Variants in MAN1A1 observed in about 807,000 individuals in gnomAD.
The protein encoded by MAN1A1 is mannosidase alpha class 1A member 1.
In MAN1A1, 29 loss-of-function variants were observed where a neutral mutation model predicts 70.8. That is an observed-to-expected ratio of 0.41 (90% CI 0.31 to 0.56). The LOEUF (loss-of-function observed/expected upper bound fraction) is 0.56. Ranked by LOEUF, MAN1A1 falls within the 20% of genes least tolerant of loss-of-function variation. The pLI is 0.29. For synonymous variants in MAN1A1, 349 were observed against 330.1 expected (o/e 1.06, Z -0.62); for missense variants, 747 against 841.3 (o/e 0.89, Z 1.39).
chr6:119,258,781 T>G (rs1208550219), intron 5 of MAN1A1, among the ~76,000 whole-genome samples: 1 of 152,196 alleles, frequency 6.6e-6, no homozygotes, highest in African/African-American at 2.4e-5. Context: ...TTTTTATGAT[T>G]CGGTGAAATG....
intron 2 of MAN1A1, among the ~76,000 whole-genome samples, chr6:119,336,410 A>G (rs1773451684): frequency 1.3e-5 from 2 of 151,858 alleles, no homozygotes; most frequent in African/African-American, 2.4e-5. Context: ...ATTCTGATGC[A>G]TGTTGAAGTC....
intron 2 of MAN1A1, among the ~76,000 whole-genome samples, chr6:119,328,005 C>T (rs1773200496): frequency 6.6e-6 from 1 of 152,140 alleles, no homozygotes; most frequent in African/African-American, 2.4e-5. Flanking sequence ...CCCCCAGAGC[C>T]AGAGAAGAGC....
chr6:119,349,052 C>T lies in MAN1A1; in HGVS notation c.14G>A (p.Gly5Asp), dbSNP rs989858445. 5.2e-5 allele frequency: 68 copies of T among 1,319,902 alleles called. No individual in the cohort carries two copies. Among genetic ancestry groups the T allele is most frequent in the Non-Finnish European group, 6.0e-5 (62 of 1,032,546 alleles). The allele number at this position is 1,319,902 out of a possible 1,614,324, so 81.8% of individuals were successfully genotyped here. A position where few individuals can be genotyped will look rare whatever the true frequency, so the allele number is the denominator to read the frequency against. Reference sequence around the variant, plus strand: ...GGGGCTGCTGAAGAGCGGCAACAGGCCCCCCACGGGCATCGCTCCCGCTGT... The same window carrying T: ...GGGGCTGCTGAAGAGCGGCAACAGGTCCCCCACGGGCATCGCTCCCGCTGT... MPVG[G>D]LLPLFSSPAG... The change falls in exon 2 of 13, where the codon GGC becomes GAC. Residue 5 changes from glycine to aspartate, a missense_variant. Coordinates refer to ENST00000368468, the MANE Select transcript of MAN1A1 (RefSeq NM_005907.4).
chr6:119,336,092 C>CA (rs1417407491), intron 2 of MAN1A1, among the ~76,000 whole-genome samples: 10 of 151,978 alleles, frequency 6.6e-5, no homozygotes, highest in Non-Finnish European at 1.2e-4. Context: ...TTTTTTGAGA[C>CA]AGAGTCTCAC....
At chr6:119,199,622 T>C (rs1006792123) in intron 8 of MAN1A1, among the ~76,000 whole-genome samples, 2 of 151,540 alleles carry the variant, frequency 1.3e-5, no homozygotes, top group Non-Finnish European at 2.9e-5. Context: ...AAGAATACAA[T>C]GGGGGCTGGT....
Position 119,178,120 on chromosome 6 carries a change from T to C in MAN1A1, c.*1699A>G, listed in dbSNP as rs1186607393. The C allele has an allele frequency of 6.6e-6, 1 of 152,104 alleles. No individual in the cohort carries two copies. Among genetic ancestry groups the C allele is most frequent in the East Asian group, 1.9e-4 (1 of 5,198 alleles). The allele number at this position is 152,104 out of a possible 1,614,324, so 9.4% of individuals were successfully genotyped here. On this transcript the variant is annotated 3_prime_UTR_variant, in exon 13 of 13. Transcript: ENST00000368468. The stretch of plus-strand genomic sequence containing the variant: ...TTTTCATTTACTAATTTTACTAATT[T>C]ATTCTTTGACATACACCAATGTATG...
Position 119,195,598 on chromosome 6 carries a change from A to G in MAN1A1, c.1211-1706T>C, listed in dbSNP as rs115018550. ...AACATTTTCTTCTGTCTCCTCCACA[A>G]GATTATGAACCAAGAGGGCAGAGAC... is the stretch of plus-strand genomic sequence containing the variant. On this transcript the variant is annotated intron_variant, in intron 8 of 12. Transcript: ENST00000368468. Among the ~76,000 whole-genome samples the G allele has an allele frequency of 2.8e-3, 422 of 152,294 alleles. 4 individuals carry two copies. The highest frequency in any genetic ancestry group is 9.3e-3 in the African/African-American group (388 of 41,580).
At chr6:119,303,177 C>A (rs1253509821) in intron 3 of MAN1A1, among the ~76,000 whole-genome samples, 1 of 152,090 alleles carries the variant, frequency 6.6e-6, no homozygotes, top group Non-Finnish European at 1.5e-5. Flanking sequence ...TGCCACCATG[C>A]CTGGCTAATT....
chr6:119,237,809 AACAAGGTATGTTG>A (rs1469474094), intron 6 of MAN1A1, among the ~76,000 whole-genome samples: 49 of 152,348 alleles, frequency 3.2e-4, no homozygotes, highest in African/African-American at 1.1e-3. Context: ...TCCATGCTTA[AACAAGGTATGTTG>A]ACTAATGGCT....
In MAN1A1 at chr6:119,349,614, C is replaced by T. The variant is rs1773846300; in HGVS notation, c.-295G>A. On this transcript the variant is annotated 5_prime_UTR_variant, in exon 1 of 13. Coordinates refer to ENST00000368468, the MANE Select transcript of MAN1A1 (RefSeq NM_005907.4). ...CCCGCTCCCCATCTCCGCGCTGAGA[C>T]TGCTGCCTCTTTCCTAGGCTGGGCT... The T allele has an allele frequency of 2.0e-6, 2 of 985,862 alleles. No homozygotes were observed. The highest frequency in any genetic ancestry group is 2.4e-6 in the Non-Finnish European group (2 of 830,040). 61.1% of individuals were successfully genotyped at this position (985,862 alleles called of 1,614,324 possible). A position where few individuals can be genotyped will look rare whatever the true frequency, so the allele number is the denominator to read the frequency against.
intron 6 of MAN1A1, among the ~76,000 whole-genome samples, chr6:119,225,272 C>T (rs1774476670): frequency 6.6e-6 from 1 of 152,054 alleles, no homozygotes; most frequent in South Asian, 2.1e-4. Flanking sequence ...TGCGGTGGCT[C>T]ACACCTGTAG....
At chr6:119,214,306 T>A (rs1774136586) in intron 6 of MAN1A1, among the ~76,000 whole-genome samples, 1 of 152,094 alleles carries the variant, frequency 6.6e-6, no homozygotes, top group South Asian at 2.1e-4. Flanking sequence ...ATGGGGCTAT[T>A]TTTCATGCTC....
intron 2 of MAN1A1, among the ~76,000 whole-genome samples, chr6:119,308,076 A>G (rs899928226): frequency 2.0e-5 from 3 of 152,208 alleles, no homozygotes; most frequent in African/African-American, 7.2e-5. Context: ...GCTAAATGCT[A>G]TAACTTTAGT....
intron 5 of MAN1A1, among the ~76,000 whole-genome samples, chr6:119,273,671 G>A (rs1043098338): frequency 3.3e-5 from 5 of 152,116 alleles, no homozygotes; most frequent in Admixed American, 3.3e-4. Flanking sequence ...CATATATACA[G>A]CACTTGTTTT....
At chr6:119,326,899 A>G (rs1773160800) in intron 2 of MAN1A1, among the ~76,000 whole-genome samples, 2 of 152,182 alleles carry the variant, frequency 1.3e-5, no homozygotes, top group Admixed American at 1.3e-4. Flanking sequence ...ATGATTTACC[A>G]CTGACTGTTG....
At chr6:119,247,113 T>C (rs1427684447) in intron 6 of MAN1A1, among the ~76,000 whole-genome samples, 1 of 152,190 alleles carries the variant, frequency 6.6e-6, no homozygotes, top group Non-Finnish European at 1.5e-5. Context: ...ACTGATTAAT[T>C]TCATGGTTTT....
chr6:119,201,112 G>A, intron 8 of MAN1A1, 142 bp downstream of exon 8: 1 of 634,250 alleles, frequency 1.6e-6, no homozygotes, highest in Non-Finnish European at 2.8e-6. Flanking sequence ...TCTGATGACA[G>A]AAGCCTGTTT....
intron 7 of MAN1A1, among the ~76,000 whole-genome samples, chr6:119,203,533 A>AT (rs1773773967): frequency 1.3e-5 from 2 of 152,014 alleles, no homozygotes; most frequent in Non-Finnish European, 2.9e-5. Flanking sequence ...GAGAAGGCTG[A>AT]GGGGGTGAGG....
At chr6:119,243,480 T>C (rs915603920) in intron 6 of MAN1A1, among the ~76,000 whole-genome samples, 4 of 152,102 alleles carry the variant, frequency 2.6e-5, no homozygotes, top group Admixed American at 1.3e-4. Flanking sequence ...TCATCTTTCA[T>C]AGTTTGTGTT....
Sources: gnomAD v4.1 joint callset for allele counts (sites outside exome capture counted in the v4.1 genomes callset) on GRCh38, gnomAD v4.1.1 for gene constraint, MANE v1.5 for transcripts, NCBI Gene and HGNC (gene_info 2026-07-23, HGNC 2026-07-21) for gene names.